Variants in OGDHL observed in about 807,000 individuals in gnomAD.
OGDHL encodes 2-oxoglutarate dehydrogenase-like, mitochondrial.
A neutral mutation model predicts 109.6 loss-of-function variants in OGDHL; 79 were observed. The observed-to-expected ratio is 0.72, with a 90% CI of 0.60 to 0.87. OGDHL has a LOEUF of 0.87. OGDHL is among the 40% of genes least tolerant of loss of function. The pLI, the probability that OGDHL is intolerant of heterozygous loss-of-function variation, is 0.00. For synonymous variants in OGDHL, 528 were observed against 537.2 expected, an observed-to-expected ratio of 0.98 and a Z score of 0.24; for missense variants, 1,275 against 1,362.2, an observed-to-expected ratio of 0.94 and a Z score of 1.01.
rs756720106 is a variant in OGDHL, at chr10:49,739,788, T to G, written c.2192A>C (p.Glu731Ala). The G allele has an allele frequency of 6.2e-7, 1 of 1,614,094 alleles. No individual in the cohort carries two copies. The highest frequency in any genetic ancestry group is 1.1e-5 in the South Asian group (1 of 91,072). ...GTTGTGGAAGTCCCCAAACTGGGCC[T>G]CCCAGAGGACCAGGGCATTGGGGCT... ...MASPNALVLWEAQFGDFHNTA... is the reference protein window; with the variant it reads ...MASPNALVLWAAQFGDFHNTA... Residue 731 changes from glutamate (E) to alanine (A), a missense_variant, in exon 17 of 23, where the codon GAG (glutamate) becomes GCG (alanine). By Grantham distance (107) the Glu-to-Ala change is moderately radical (BLOSUM62 -1). Transcript: ENST00000374103.
intron 12 of OGDHL, 27 bp from the exon 13 acceptor site, chr10:49,744,779 G>C (rs750058413): frequency 2.5e-6 from 4 of 1,587,414 alleles, no homozygotes; most frequent in South Asian, 1.1e-5. Flanking sequence ...GATGTGGACA[G>C]AGCACCAAAG....
At position 49,745,839 on chromosome 10, in the gene OGDHL, C is replaced by G; in HGVS notation, c.1435G>C (p.Glu479Gln). 1 of 1,614,188 alleles carries G rather than the reference C, an allele frequency of 6.2e-7. No homozygotes were observed. Among genetic ancestry groups the G allele is most frequent in the Admixed American group, 1.7e-5 (1 of 60,016 alleles). Reference sequence around the variant, plus strand: ...TCTTTGTTGAAAGTGTTTCTCCATTCGGCTGCCACACTGCACACATATATC... The same window carrying G: ...TCTTTGTTGAAAGTGTTTCTCCATTGGGCTGCCACACTGCACACATATATC... Reference protein sequence around the residue: ...AVIYVCSVAAEWRNTFNKDVV... With the variant: ...AVIYVCSVAAQWRNTFNKDVV... Residue 479 changes from glutamate (E) to glutamine (Q), a missense_variant, in exon 11 of 23, where the codon GAA becomes CAA. Physicochemically the swap from Glu to Gln is conservative, Grantham distance 29. Transcript: ENST00000374103.
intron 14 of OGDHL, 119 bp from the exon 15 acceptor site, chr10:49,743,097 G>A: frequency 7.5e-7 from 1 of 1,324,972 alleles, no homozygotes; most frequent in Non-Finnish European, 1.0e-6. Flanking sequence ...TTGGTTGGAG[G>A]GCAGGGATGC....
intron 15 of OGDHL, among the ~76,000 whole-genome samples, chr10:49,742,470 CCCCTAT>C (rs1841838247): frequency 2.6e-5 from 2 of 75,532 alleles, no homozygotes; most frequent in Admixed American, 1.4e-4. Context: ...CCACACACAC[CCCCTAT>C]ACACTCCCCC....
intron 18 of OGDHL, 36 bp downstream of exon 18, chr10:49,738,155 G>A (rs1459280699): frequency 8.7e-6 from 14 of 1,614,118 alleles, no homozygotes; most frequent in African/African-American, 1.3e-5. Flanking sequence ...GCACAATAGG[G>A]CGCGTCCCTG....
At chr10:49,756,244 G>A (rs1450422813) in intron 3 of OGDHL, among the ~76,000 whole-genome samples, 1 of 152,160 alleles carries the variant, frequency 6.6e-6, no homozygotes, top group East Asian at 1.9e-4. Context: ...AGTCCTGTCT[G>A]GTCAAGACCA....
intron 8 of OGDHL, among the ~76,000 whole-genome samples, chr10:49,748,704 G>A (rs1261493429): frequency 6.6e-6 from 1 of 150,980 alleles, no homozygotes; most frequent in African/African-American, 2.4e-5. Context: ...GGAACAGGAT[G>A]TCAGAAAGAC....
Position 49,751,837 on chromosome 10 carries a change from G to C in OGDHL, c.739C>G (p.Arg247Gly). The change falls in exon 6 of 23, where the codon CGC becomes GGC. Residue 247 changes from arginine to glycine, a missense_variant. Coordinates refer to ENST00000374103, the MANE Select transcript of OGDHL (RefSeq NM_018245.3). The part of the protein sequence containing the change: ...EKRTLLARLV[R>G]SMRFEDFLAR... Reference sequence around the variant, plus strand: ...CCAGGTGGTGCCAACCTCATGGAGCGCACTAGCCGGGCCAGCAGGGTCCGC... The same window carrying C: ...CCAGGTGGTGCCAACCTCATGGAGCCCACTAGCCGGGCCAGCAGGGTCCGC... 6.2e-7 allele frequency: 1 copy of C among 1,613,632 alleles called. No homozygotes were observed. Among genetic ancestry groups the C allele is most frequent in the East Asian group, 2.2e-5 (1 of 44,874 alleles).
At chr10:49,755,949 A>G (rs978153607) in intron 3 of OGDHL, among the ~76,000 whole-genome samples, 36 of 152,188 alleles carry the variant, frequency 2.4e-4, no homozygotes, top group Admixed American at 1.4e-3. Context: ...GTGGCCCACA[A>G]TTGATGGGTC....
intron 10 of OGDHL, 58 bp downstream of exon 10, chr10:49,746,692 G>A: frequency 6.3e-7 from 1 of 1,599,172 alleles, no homozygotes. Flanking sequence ...GCAAGCTACT[G>A]CCTGGATTTC....
intron 12 of OGDHL, among the ~76,000 whole-genome samples, chr10:49,745,131 C>A (rs779634981): frequency 1.3e-5 from 2 of 152,250 alleles, no homozygotes; most frequent in Non-Finnish European, 2.9e-5. Context: ...TGGACTTCCC[C>A]CACATTGCAG....
chr10:49,738,616 G>A (rs930680524), intron 17 of OGDHL: 43 of 325,650 alleles, frequency 1.3e-4, no homozygotes, highest in African/African-American at 1.9e-4. Flanking sequence ...ACGCCTTATC[G>A]CTAACCCCCA....
intron 2 of OGDHL, among the ~76,000 whole-genome samples, 171 bp from the exon 3 acceptor site, chr10:49,757,117 C>T (rs1015075242): frequency 6.6e-6 from 1 of 152,190 alleles, no homozygotes; most frequent in African/African-American, 2.4e-5. Context: ...GAACTGTTTA[C>T]AAAAATTGAC....
intron 6 of OGDHL, among the ~76,000 whole-genome samples, chr10:49,751,455 TG>T (rs1842583679): frequency 6.6e-6 from 1 of 152,022 alleles, no homozygotes; most frequent in African/African-American, 2.4e-5. Flanking sequence ...CCTGCAGCCC[TG>T]GGGGACCCAG....
intron 14 of OGDHL, 173 bp downstream of exon 14, chr10:49,743,821 G>A (rs964946058): frequency 1.1e-5 from 8 of 736,458 alleles, no homozygotes; most frequent in Non-Finnish European, 1.7e-5. Context: ...CGCCCACCCT[G>A]AAAAGAGCTA....
At chr10:49,736,648 C>CA in intron 20 of OGDHL, 128 bp from the exon 21 acceptor site, 1 of 934,478 alleles carries the variant, frequency 1.1e-6, no homozygotes, top group Non-Finnish European at 1.6e-6. Flanking sequence ...CTTGTGGCTG[C>CA]AGTGGACACC....
In OGDHL at chr10:49,749,889, G is replaced by A. The variant is rs1005162433; in HGVS notation, c.897-73C>T. ...CAGGGTTCCCTCCCCCACTGTGGAG[G>A]CCTGGCCTGGCCTAATACAGCCCCT... On this transcript the variant is annotated intron_variant, in intron 7 of 22. Coordinates refer to ENST00000374103, the MANE Select transcript of OGDHL (RefSeq NM_018245.3). 1.1e-5 allele frequency: 14 copies of A among 1,304,544 alleles called. 1 individual carries two copies. The highest frequency in any genetic ancestry group is 2.2e-4 in the Middle Eastern group (1 of 4,532). The allele number at this position is 1,304,544 out of a possible 1,614,324, so 80.8% of individuals were successfully genotyped here. A position where few individuals can be genotyped will look rare whatever the true frequency, so the allele number is the denominator to read the frequency against.
chr10:49,740,898 G>C, intron 15 of OGDHL, 61 bp from the exon 16 acceptor site: 1 of 1,601,392 alleles, frequency 6.2e-7, no homozygotes. Flanking sequence ...TGTTCACCTG[G>C]AGCAGGGGAG....
chr10:49,735,161 C>A lies in OGDHL; in HGVS notation c.*67G>T, dbSNP rs867600809. 1.9e-6 allele frequency: 3 copies of A among 1,563,276 alleles called. No homozygotes were observed. Among genetic ancestry groups the A allele is most frequent in the Middle Eastern group, 3.5e-4 (2 of 5,762 alleles). ...TCTCCTGGGCAGGAGCTCCGCCCCTCCCCTTTTCATCACCCCCTTGGTCCC... is the reference window on the plus strand; with the variant it reads ...TCTCCTGGGCAGGAGCTCCGCCCCTACCCTTTTCATCACCCCCTTGGTCCC... On this transcript the variant is annotated 3_prime_UTR_variant, in exon 23 of 23. Transcript: ENST00000374103.
Sources: gnomAD v4.1 joint callset for allele counts (sites outside exome capture counted in the v4.1 genomes callset) on GRCh38, gnomAD v4.1.1 for gene constraint, MANE v1.5 for transcripts, NCBI Gene and HGNC (gene_info 2026-07-23, HGNC 2026-07-21) for gene names.